Variants in NASP observed in about 807,000 individuals in gnomAD.
The protein encoded by NASP is nuclear autoantigenic sperm protein.
NASP carries 24 observed loss-of-function variants against 89.5 expected under a neutral mutation model. The observed-to-expected ratio is 0.27, with a 90% CI of 0.19 to 0.38. NASP has a LOEUF of 0.38. Among genes scored for constraint, NASP ranks in the 10% least tolerant of loss-of-function variants. The pLI, the probability that NASP is intolerant of heterozygous loss-of-function variation, is 1.00. For synonymous variants in NASP, 306 were observed against 324.7 expected, an observed-to-expected ratio of 0.94 and a Z score of 0.62; for missense variants, 848 against 921.4, an observed-to-expected ratio of 0.92 and a Z score of 1.03.
At chr1:45,601,048 A>C (rs1643830906) in intron 2 of NASP, among the ~76,000 whole-genome samples, 1 of 152,096 alleles carries the variant, frequency 6.6e-6, no homozygotes, top group Non-Finnish European at 1.5e-5. Flanking sequence ...ACTACGTTCT[A>C]AGAGTTCTTT....
Position 45,614,416 on chromosome 1 carries a change from T to G in NASP, c.1666+50T>G, listed in dbSNP as rs781578941. On this transcript the variant is annotated intron_variant, in intron 9 of 14. Transcript: ENST00000350030. ...CTCCTACTCTCTTCAGCTCCCTCGT[T>G]CTTCCTCTAATAGATTCTCTGGAAC... 1.3e-5 allele frequency: 18 copies of G among 1,395,992 alleles called. No individual in the cohort carries two copies. In the East Asian group the frequency reaches 1.6e-4, roughly 12 times the overall value. 86.5% of individuals were successfully genotyped at this position (1,395,992 alleles called of 1,614,324 possible).
At chr1:45,591,170 C>A in intron 1 of NASP, 53 bp from the exon 2 acceptor site, 1 of 1,070,322 alleles carries the variant, frequency 9.3e-7, no homozygotes, top group Non-Finnish European at 1.4e-6. Context: ...TATTTTCAGG[C>A]TTAATAATTG....
intron 2 of NASP, among the ~76,000 whole-genome samples, chr1:45,593,466 G>T (rs1035226076): frequency 6.7e-6 from 1 of 149,970 alleles, no homozygotes; most frequent in Non-Finnish European, 1.5e-5. Flanking sequence ...CTGGGAGGTG[G>T]AGGTTGCATT....
In NASP at chr1:45,615,015, A is replaced by T; in HGVS notation, c.1669A>T (p.Asn557Tyr). The T allele has an allele frequency of 1.2e-6, 2 of 1,605,440 alleles. No homozygotes were observed. The highest frequency in any genetic ancestry group is 1.7e-6 in the Non-Finnish European group (2 of 1,177,004). Residue 557 changes from asparagine (N) to tyrosine (Y), a missense_variant and splice_region_variant, in exon 10 of 15, where the codon AAC becomes TAC. Physicochemically the swap from Asn to Tyr is moderately radical, Grantham distance 143 (BLOSUM62 -2). This residue lies in a region of NASP where 60 missense variants were observed against 114.6 expected (regional missense o/e 0.52). Coordinates refer to ENST00000350030, the MANE Select transcript of NASP (RefSeq NM_002482.4). Reference protein sequence around the residue: ...KLGEVSVESENYVQAVEEFQS... With the variant: ...KLGEVSVESEYYVQAVEEFQS... ...GCTCTTCTTTTTCTCTTTGTTAGAA[A>T]ACTATGTGCAAGCTGTGGAGGAGTT...
chr1:45,584,192 G>T lies in NASP; in HGVS notation c.46G>T (p.Val16Phe). The T allele has an allele frequency of 6.3e-7, 1 of 1,593,612 alleles. No individual in the cohort carries two copies. Among genetic ancestry groups the T allele is most frequent in the African/African-American group, 1.3e-5 (1 of 74,790 alleles). The part of the protein sequence containing the change: ...TATAAVAAEL[V>F]SADKIEDVPA... ...CACTGCCGCCGTCGCCGCGGAGCTG[G>T]TTTCTGCCGACAAGTAAGCGGGACT... Residue 16 changes from valine to phenylalanine, a missense_variant, in exon 1 of 15, where the codon GTT becomes TTT. Val to Phe is a conservative substitution (Grantham distance 50, BLOSUM62 -1). Coordinates refer to ENST00000350030, the MANE Select transcript of NASP (RefSeq NM_002482.4).
Position 45,607,814 on chromosome 1 carries a change from C to A in NASP, c.903C>A (p.Asp301Glu), listed in dbSNP as rs550837993. Residue 301 changes from aspartate to glutamate, a missense_variant, in exon 6 of 15, where the codon GAC (aspartate) becomes GAA (glutamate). This residue lies in a region of NASP where 464 missense variants were observed against 469.4 expected (regional missense o/e 0.99). Transcript: ENST00000350030. Reference protein sequence around the residue: ...TAVEVEAESLDPTVKPVDVGG... With the variant: ...TAVEVEAESLEPTVKPVDVGG... ...TGGAGGTAGAAGCAGAGTCTTTAGACCCGACAGTCAAGCCAGTGGATGTGG... is the reference window on the plus strand; with the variant it reads ...TGGAGGTAGAAGCAGAGTCTTTAGAACCGACAGTCAAGCCAGTGGATGTGG... The A allele has an allele frequency of 1.9e-6, 3 of 1,614,068 alleles. No individual in the cohort carries two copies. In the East Asian group the frequency reaches 6.7e-5, roughly 36 times the overall value.
intron 3 of NASP, among the ~76,000 whole-genome samples, chr1:45,603,644 T>A (rs1187417216): frequency 6.7e-6 from 1 of 149,098 alleles, no homozygotes; most frequent in Non-Finnish European, 1.5e-5. Context: ...AGTTTCGCTC[T>A]TGTTGCCCTG....
intron 2 of NASP, among the ~76,000 whole-genome samples, chr1:45,597,993 C>T (rs983858375): frequency 6.6e-6 from 1 of 152,134 alleles, no homozygotes; most frequent in Admixed American, 6.6e-5. Context: ...CTCTGTTTAT[C>T]TGCTACTACT....
chr1:45,584,058 C>G lies in NASP; in HGVS notation c.-89C>G, dbSNP rs1485965018. 1.6e-6 allele frequency: 2 copies of G among 1,279,472 alleles called. No individual in the cohort carries two copies. Among genetic ancestry groups the G allele is most frequent in the East Asian group, 5.2e-5 (2 of 38,668 alleles). The allele number at this position is 1,279,472 out of a possible 1,614,324, so 79.3% of individuals were successfully genotyped here. On this transcript the variant is annotated 5_prime_UTR_variant, in exon 1 of 15. Coordinates refer to ENST00000350030, the MANE Select transcript of NASP (RefSeq NM_002482.4). ...CGCGGGGTCTCTAATCTGCCATTTTCTGTCCCTGAGTGAGTCTCTGGCGTC... is the reference window on the plus strand; with the variant it reads ...CGCGGGGTCTCTAATCTGCCATTTTGTGTCCCTGAGTGAGTCTCTGGCGTC...
chr1:45,593,186 C>G (rs1183554823), intron 2 of NASP, among the ~76,000 whole-genome samples: 8 of 152,198 alleles, frequency 5.3e-5, no homozygotes, highest in East Asian at 3.9e-4. Flanking sequence ...GCCAAAGATT[C>G]ATTTGATGAA....
At chr1:45,587,687 T>TATATATATATACATAA (rs66829841) in intron 1 of NASP, among the ~76,000 whole-genome samples, 5 of 78,200 alleles carry the variant, frequency 6.4e-5, no homozygotes, top group African/African-American at 2.7e-4. Context: ...TATATATATA[T>TATATATATATACATAA]AATTAATTTT....
chr1:45,594,285 C>T (rs1451257291), intron 2 of NASP, among the ~76,000 whole-genome samples: 3 of 151,424 alleles, frequency 2.0e-5, no homozygotes, highest in Non-Finnish European at 2.9e-5. Flanking sequence ...GCCAAGATCA[C>T]GCTACTGCAC....
chr1:45,594,283 C>CA (rs1251678200), intron 2 of NASP, among the ~76,000 whole-genome samples: 8 of 151,332 alleles, frequency 5.3e-5, no homozygotes, highest in Non-Finnish European at 1.2e-4. Context: ...CAGCCAAGAT[C>CA]ACGCTACTGC....
chr1:45,612,494 T>A (rs1174114001), intron 6 of NASP: 1 of 152,232 alleles, frequency 6.6e-6, no homozygotes, highest in Non-Finnish European at 1.5e-5. Flanking sequence ...GGTTGACTTG[T>A]GAGTGTATTC....
intron 3 of NASP, among the ~76,000 whole-genome samples, chr1:45,604,071 A>G (rs1001889832): frequency 6.6e-6 from 1 of 152,136 alleles, no homozygotes; most frequent in African/African-American, 2.4e-5. Context: ...TTAGGAGGAA[A>G]ATTTGAGATG....
intron 1 of NASP, among the ~76,000 whole-genome samples, chr1:45,584,926 G>A (rs1644508626): frequency 6.6e-6 from 1 of 152,240 alleles, no homozygotes; most frequent in Non-Finnish European, 1.5e-5. Flanking sequence ...CCCTGCCTGT[G>A]GTGGGGAGGA....
intron 2 of NASP, chr1:45,594,550 G>A (rs1344901436): frequency 8.8e-6 from 3 of 339,652 alleles, no homozygotes; most frequent in Admixed American, 6.9e-5. Flanking sequence ...CACTGCCCAG[G>A]TTGGAGTACA....
At chr1:45,614,070 CTT>C in intron 7 of NASP, 24 bp from the exon 8 acceptor site, 2 of 1,495,088 alleles carry the variant, frequency 1.3e-6, no homozygotes, top group Non-Finnish European at 1.9e-6. Context: ...AGATGCCTAT[CTT>C]TTTATTATTT....
At position 45,584,066 on chromosome 1, in the gene NASP, G is replaced by A. The variant is rs752398013; in HGVS notation, c.-81G>A. ...CTCTAATCTGCCATTTTCTGTCCCT[G>A]AGTGAGTCTCTGGCGTCCCAAATTG... is the stretch of plus-strand genomic sequence containing the variant. On this transcript the variant is annotated 5_prime_UTR_variant, in exon 1 of 15. Coordinates refer to ENST00000350030, the MANE Select transcript of NASP (RefSeq NM_002482.4). The A allele has an allele frequency of 2.2e-6, 3 of 1,357,124 alleles. No individual in the cohort carries two copies. Among genetic ancestry groups the A allele is most frequent in the East Asian group, 2.5e-5 (1 of 39,574 alleles). The allele number at this position is 1,357,124 out of a possible 1,614,324, so 84.1% of individuals were successfully genotyped here. A position where few individuals can be genotyped will look rare whatever the true frequency, so the allele number is the denominator to read the frequency against.
Sources: gnomAD v4.1 joint callset for allele counts (sites outside exome capture counted in the v4.1 genomes callset) on GRCh38, gnomAD v4.1.1 for gene constraint, gnomAD v4.1.1 regional missense constraint, MANE v1.5 for transcripts, NCBI Gene and HGNC (gene_info 2026-07-23, HGNC 2026-07-21) for gene names.